Variants in SLC6A11 observed in about 807,000 individuals in gnomAD.
The protein encoded by SLC6A11 is solute carrier family 6 member 11, also known as sodium- and chloride-dependent GABA transporter 3.
Under a neutral mutation model 74.8 loss-of-function variants are expected in SLC6A11, and 25 were observed. That is an observed-to-expected ratio of 0.33 (90% CI 0.24 to 0.47). SLC6A11 has a LOEUF of 0.47. Among genes scored for constraint, SLC6A11 ranks in the 20% least tolerant of loss-of-function variants. The probability of loss-of-function intolerance (pLI) is 1.00; values close to 1 mark genes in which losing one functional copy is unlikely to be tolerated. For missense variants in SLC6A11, 574 were observed against 837.0 expected (o/e 0.69, Z 3.88); for synonymous variants, 330 against 330.2 (o/e 1.00, Z 0.01).
chr3:10,858,614 A>G (rs919789294), intron 5 of SLC6A11, among the ~76,000 whole-genome samples: 6 of 152,228 alleles, frequency 3.9e-5, no homozygotes, highest in Admixed American at 2.0e-4. Flanking sequence ...TCTTTGAAGT[A>G]GGTATTTTTG....
intron 6 of SLC6A11, among the ~76,000 whole-genome samples, chr3:10,894,473 C>T (rs1695146403): frequency 6.6e-6 from 1 of 152,204 alleles, no homozygotes; most frequent in African/African-American, 2.4e-5. Flanking sequence ...TACACCACCT[C>T]TCCTCTTGGT....
At chr3:10,890,514 G>A (rs1365281465) in intron 6 of SLC6A11, among the ~76,000 whole-genome samples, 3 of 152,260 alleles carry the variant, frequency 2.0e-5, no homozygotes, top group African/African-American at 7.2e-5. Flanking sequence ...GATAGGCGGT[G>A]TGGTGCTGAC....
chr3:10,843,211 A>G (rs1381139002), intron 4 of SLC6A11, among the ~76,000 whole-genome samples: 2 of 152,132 alleles, frequency 1.3e-5, no homozygotes, highest in African/African-American at 4.8e-5. Context: ...ACTCTGAAGA[A>G]TTGGTGGGTT....
chr3:10,934,998 C>T lies in SLC6A11; in HGVS notation c.1576-31C>T, dbSNP rs760258484. 7 of 1,597,890 alleles carry T rather than the reference C, an allele frequency of 4.4e-6. No individual in the cohort carries two copies. In the South Asian group the frequency reaches 8.0e-5, roughly 18 times the overall value. On this transcript the variant is annotated intron_variant, in intron 12 of 13. Coordinates refer to ENST00000254488, the MANE Select transcript of SLC6A11 (RefSeq NM_014229.3). ...TGGCCTAGCAGGGCTGAGGGCCCATCCCCCAGGCACCTGCCCCCATCTCTC... is the reference window on the plus strand; with the variant it reads ...TGGCCTAGCAGGGCTGAGGGCCCATTCCCCAGGCACCTGCCCCCATCTCTC...
At chr3:10,821,548 T>A (rs971689483) in intron 3 of SLC6A11, among the ~76,000 whole-genome samples, 2 of 152,236 alleles carry the variant, frequency 1.3e-5, no homozygotes, top group Non-Finnish European at 2.9e-5. Flanking sequence ...CAGATTCTGC[T>A]TCTTACATGT....
At chr3:10,936,359 C>T (rs1695759884) in intron 13 of SLC6A11, among the ~76,000 whole-genome samples, 2 of 152,196 alleles carry the variant, frequency 1.3e-5, no homozygotes, top group South Asian at 4.1e-4. Flanking sequence ...GCCTCACCTT[C>T]CTCTGCTGAA....
chr3:10,932,003 G>A (rs1695694204), intron 10 of SLC6A11, among the ~76,000 whole-genome samples: 5 of 152,086 alleles, frequency 3.3e-5, no homozygotes, highest in Admixed American at 3.3e-4. Context: ...GCACTGTCCT[G>A]GTATTCAGGC....
intron 4 of SLC6A11, chr3:10,825,550 A>G (rs1457447293): frequency 6.6e-6 from 1 of 152,064 alleles, no homozygotes; most frequent in East Asian, 1.9e-4. Flanking sequence ...TTTCCATTTT[A>G]TTGAAGTCGA....
intron 13 of SLC6A11, among the ~76,000 whole-genome samples, chr3:10,937,481 C>A (rs1016963814): frequency 3.3e-5 from 5 of 152,248 alleles, no homozygotes; most frequent in African/African-American, 1.2e-4. Context: ...ACCAGCCACC[C>A]AAAAGACTTT....
chr3:10,866,010 A>G (rs762009552), intron 5 of SLC6A11, among the ~76,000 whole-genome samples: 48 of 152,234 alleles, frequency 3.2e-4, no homozygotes, highest in Non-Finnish European at 1.3e-4. Flanking sequence ...TTGACTCCTT[A>G]TAATGGAGAC....
At chr3:10,821,883 C>T (rs983553080) in intron 3 of SLC6A11, among the ~76,000 whole-genome samples, 5 of 152,144 alleles carry the variant, frequency 3.3e-5, no homozygotes, top group South Asian at 2.1e-4. Flanking sequence ...AAGGTCTCCT[C>T]TCTCCAGAAA....
rs535409284 is a variant in SLC6A11, at chr3:10,925,311, T to A, written c.1121-693T>A. On this transcript the variant is annotated intron_variant, in intron 8 of 13. Transcript: ENST00000254488. Reference sequence around the variant, plus strand: ...CATCTCACTGAATTCTCAAAACCACTTTTTTTAGATAGGACTTTATTATCC... The same window carrying A: ...CATCTCACTGAATTCTCAAAACCACATTTTTTAGATAGGACTTTATTATCC... Among the ~76,000 whole-genome samples, 59 of 152,336 alleles carry A rather than the reference T, an allele frequency of 3.9e-4. No homozygotes were observed. In the Middle Eastern group the frequency reaches 0.01, roughly 26 times the overall value.
intron 10 of SLC6A11, 46 bp downstream of exon 10, chr3:10,929,385 C>T (rs765124504): frequency 1.7e-5 from 27 of 1,600,564 alleles, no homozygotes; most frequent in Non-Finnish European, 2.0e-5. Flanking sequence ...GGGTGTGTGA[C>T]GTCAACTCCC....
In SLC6A11 at chr3:10,819,340, G is replaced by A. The variant is rs1039600670; in HGVS notation, c.257-125G>A. The A allele has an allele frequency of 5.3e-6, 5 of 946,590 alleles. No homozygotes were observed. The African/African-American group carries it at 8.2e-5, about 16-fold the overall frequency. 58.6% of individuals were successfully genotyped at this position (946,590 alleles called of 1,614,324 possible). A position where few individuals can be genotyped will look rare whatever the true frequency, so the allele number is the denominator to read the frequency against. Reference sequence around the variant, plus strand: ...GTTTTCTGACTCTGGTCTTCATAATGGGAACTTGAACTCAAGTTCAAAGAA... The same window carrying A: ...GTTTTCTGACTCTGGTCTTCATAATAGGAACTTGAACTCAAGTTCAAAGAA... On this transcript the variant is annotated intron_variant, in intron 1 of 13. Transcript: ENST00000254488.
rs1269021636 is a variant in SLC6A11 at position 10,862,352 on chromosome 3, T to C, written c.757-12609T>C. On this transcript the variant is annotated intron_variant, in intron 5 of 13. Transcript: ENST00000254488. ...TTTTCATTTTGGGTTTGTTTTCTTTTCATGGTCTTTATGGTAGAGCTACGT... is the reference window on the plus strand; with the variant it reads ...TTTTCATTTTGGGTTTGTTTTCTTTCCATGGTCTTTATGGTAGAGCTACGT... Among the ~76,000 whole-genome samples, 4 of 152,224 alleles carry C rather than the reference T, an allele frequency of 2.6e-5. No homozygotes were observed. The East Asian group carries it at 7.7e-4, about 29-fold the overall frequency.
intron 6 of SLC6A11, among the ~76,000 whole-genome samples, chr3:10,911,261 GCATGAGTCT>G (rs1695384538): frequency 6.6e-6 from 1 of 152,208 alleles, no homozygotes; most frequent in African/African-American, 2.4e-5. Context: ...TGATACCTAA[GCATGAGTCT>G]CATCAGCTGC....
chr3:10,938,380 C>A lies in SLC6A11; in HGVS notation c.1877C>A (p.Thr626Lys). 1.2e-6 allele frequency: 2 copies of A among 1,607,040 alleles called. No individual in the cohort carries two copies. Among genetic ancestry groups the A allele is most frequent in the Non-Finnish European group, 1.7e-6 (2 of 1,174,560 alleles). The change falls in exon 14 of 14, where the codon ACA becomes AAA. Residue 626 changes from threonine (T) to lysine (K), a missense_variant. Transcript: ENST00000254488. ...LKSDGTIAAI[T>K]EKETHF ...AGTGACGGGACCATCGCAGCCATCA[C>A]AGAGAAGGAGACGCACTTCTGAGCG...
chr3:10,846,345 C>G (rs889605145), intron 5 of SLC6A11, among the ~76,000 whole-genome samples: 1 of 152,178 alleles, frequency 6.6e-6, no homozygotes, highest in African/African-American at 2.4e-5. Flanking sequence ...ATTATTACTA[C>G]TTTTGCTGTG....
intron 5 of SLC6A11, among the ~76,000 whole-genome samples, chr3:10,873,956 T>TGCTACGCTATGCTATGCTAC: frequency 1.4e-5 from 2 of 143,526 alleles, no homozygotes; most frequent in East Asian, 2.3e-4. Flanking sequence ...TCCTATGCTA[T>TGCTACGCTATGCTATGCTAC]GCTACGCTAT....
Sources: gnomAD v4.1 joint callset for allele counts (sites outside exome capture counted in the v4.1 genomes callset) on GRCh38, gnomAD v4.1.1 for gene constraint, MANE v1.5 for transcripts, NCBI Gene and HGNC (gene_info 2026-07-23, HGNC 2026-07-21) for gene names.